Variants in PLCH2 observed in about 807,000 individuals in gnomAD.
PLCH2 encodes the protein 1-phosphatidylinositol 4,5-bisphosphate phosphodiesterase eta-2.
Under a neutral mutation model 134.7 loss-of-function variants are expected in PLCH2, and 98 were observed. That is an observed-to-expected ratio of 0.73 (90% CI 0.62 to 0.86). The LOEUF is 0.86. Among genes scored for constraint, PLCH2 ranks in the 40% least tolerant of loss-of-function variants. PLCH2 has a pLI of 0.00. For synonymous variants in PLCH2, 974 were observed against 827.5 expected (o/e 1.18, Z -3.04); for missense variants, 1,994 against 1,986.6 (o/e 1.00, Z -0.07).
chr1:2,503,910 A>ACCCCC lies in PLCH2; in HGVS notation c.2960-10_2960-9insCCCCC. The ACCCCC allele has an allele frequency of 3.7e-6, 1 of 266,700 alleles. No individual in the cohort carries two copies. Among genetic ancestry groups the ACCCCC allele is most frequent in the Non-Finnish European group, 6.5e-6 (1 of 153,078 alleles). The allele number at this position is 266,700 out of a possible 1,614,324, so 16.5% of individuals were successfully genotyped here. A position where few individuals can be genotyped will look rare whatever the true frequency, so the allele number is the denominator to read the frequency against. On this transcript the variant is annotated splice_polypyrimidine_tract_variant and intron_variant, in intron 21 of 21. Transcript: ENST00000378486. ...CCCTCTGGCTCTCTCTCACTCCCCC[A>ACCCCC]CCTCCCCACAGACACCCGCCCCCTC...
In PLCH2 at chr1:2,476,420, C is replaced by A; in HGVS notation, c.-169C>A. 1.6e-6 allele frequency: 1 copy of A among 636,098 alleles called. No homozygotes were observed. Among genetic ancestry groups the A allele is most frequent in the Non-Finnish European group, 2.5e-6 (1 of 393,042 alleles). The allele number at this position is 636,098 out of a possible 1,614,324, so 39.4% of individuals were successfully genotyped here. On this transcript the variant is annotated 5_prime_UTR_variant, in exon 1 of 22. Transcript: ENST00000378486. ...CAGGCCAATGCCAGCCGGGCCTGGG[C>A]ACAGCCCTGTGGGGGCTTCGGAGGG... is the stretch of plus-strand genomic sequence containing the variant.
chr1:2,495,118 T>C (rs146274143), intron 12 of PLCH2, among the ~76,000 whole-genome samples, 170 bp downstream of exon 12: 1 of 152,234 alleles, frequency 6.6e-6, no homozygotes, highest in Non-Finnish European at 1.5e-5. Context: ...TCCCCAGGGT[T>C]CCCAGCCTGG....
intron 10 of PLCH2, 50 bp downstream of exon 10, chr1:2,489,917 A>G: frequency 1.6e-6 from 2 of 1,288,760 alleles, no homozygotes. Context: ...GCAGTTCCCA[A>G]GAACAGCTGT....
chr1:2,497,544 ACCGAG>A lies in PLCH2; in HGVS notation c.2162_2166del (p.Arg721GlnfsTer124), dbSNP rs751896281. The A allele has an allele frequency of 5.8e-6, 9 of 1,562,186 alleles. No homozygotes were observed. The highest frequency in any genetic ancestry group is 1.7e-4 in the Middle Eastern group (1 of 6,012). On this transcript the variant is annotated frameshift_variant, in exon 16 of 22. Transcript: ENST00000378486. LOFTEE classifies it high-confidence loss of function. Reference sequence around the variant, plus strand: ...TCAGAGGGGCGGATGCTGCAGCTGAACCGAGCCAAGTTCAGCGCCAACGGTGGCTG... The same window carrying A: ...TCAGAGGGGCGGATGCTGCAGCTGAACCAAGTTCAGCGCCAACGGTGGCTG...
At chr1:2,484,714 G>C in intron 5 of PLCH2, 96 bp downstream of exon 5, 1 of 1,362,630 alleles carries the variant, frequency 7.3e-7, no homozygotes, top group East Asian at 2.4e-5. Context: ...GGTGATGGGG[G>C]AGCTGTCTGA....
At position 2,483,752 on chromosome 1, in the gene PLCH2, T is replaced by TTGACCCCCGTTTGGGGGGGCGC. The variant is rs70956306; in HGVS notation, c.646-663_646-642dup. On this transcript the variant is annotated intron_variant, in intron 4 of 21. Transcript: ENST00000378486. The stretch of plus-strand genomic sequence containing the variant: ...CCAGCCTCCAGCCCAGAGTGTGTTG[T>TTGACCCCCGTTTGGGGGGGCGC]TGACCCCCGTTTGGGGGGGCGCTGA... Among the ~76,000 whole-genome samples, 13 of 114,934 alleles carry TTGACCCCCGTTTGGGGGGGCGC rather than the reference T, an allele frequency of 1.1e-4. 3 individuals carry two copies. The highest frequency in any genetic ancestry group is 1.5e-4 in the African/African-American group (5 of 33,816). The allele number at this position is 114,934 out of a possible 152,430, so 75.4% of individuals were successfully genotyped here.
upstream of PLCH2, among the ~76,000 whole-genome samples, chr1:2,473,385 GC>G (rs1456105287): frequency 1.3e-5 from 2 of 152,200 alleles, no homozygotes; most frequent in African/African-American, 4.8e-5. Flanking sequence ...TCACCGTGGG[GC>G]CCGCAGAGCC....
chr1:2,429,300 A>G (rs1638954139), intron 1 of PLCH2, among the ~76,000 whole-genome samples: 1 of 152,134 alleles, frequency 6.6e-6, no homozygotes, highest in African/African-American at 2.4e-5. Flanking sequence ...AGGACTCCTG[A>G]TGTCCATCTG....
intron 8 of PLCH2, among the ~76,000 whole-genome samples, chr1:2,488,166 A>G (rs766377385): frequency 1.3e-5 from 2 of 152,236 alleles, no homozygotes; most frequent in Non-Finnish European, 2.9e-5. Flanking sequence ...GCAGGTGGGC[A>G]AGGAGCTAAT....
chr1:2,495,640 CG>C, intron 13 of PLCH2, 70 bp downstream of exon 13: 1 of 1,117,402 alleles, frequency 8.9e-7, no homozygotes, highest in Non-Finnish European at 1.3e-6. Context: ...CCCTTCTCTG[CG>C]GTGACCCCAC....
intron 5 of PLCH2, among the ~76,000 whole-genome samples, chr1:2,485,923 G>A (rs949839534): frequency 3.3e-5 from 5 of 152,128 alleles, no homozygotes; most frequent in African/African-American, 9.7e-5. Flanking sequence ...ACCTGGCCGG[G>A]GCAGCTTGCC....
At chr1:2,501,050 G>C (rs570756902) in intron 20 of PLCH2, 1 of 151,888 alleles carries the variant, frequency 6.6e-6, no homozygotes, top group African/African-American at 2.4e-5. Flanking sequence ...CCCTGAGGCC[G>C]GCGCTCCGAG....
intron 21 of PLCH2, chr1:2,503,095 C>T (rs1351349624): frequency 2.3e-5 from 16 of 696,088 alleles, no homozygotes; most frequent in Admixed American, 1.2e-4. Context: ...AGCCCCAGCC[C>T]TCCTGTCTGA....
upstream of PLCH2, among the ~76,000 whole-genome samples, chr1:2,465,267 G>A (rs1333664898): frequency 1.3e-5 from 2 of 152,184 alleles, no homozygotes; most frequent in African/African-American, 2.4e-5. Flanking sequence ...AGACTGTGGG[G>A]ACAGGGGCAG....
chr1:2,479,948 C>A lies in PLCH2; in HGVS notation c.486C>A (p.Ser162Arg), dbSNP rs768058584. The A allele has an allele frequency of 6.2e-7, 1 of 1,607,586 alleles. No individual in the cohort carries two copies. The highest frequency in any genetic ancestry group is 2.2e-5 in the East Asian group (1 of 44,730). Residue 162 changes from serine to arginine, a missense_variant, in exon 3 of 22, where the codon AGC becomes AGA. This residue lies in a region of PLCH2 where 1,094 missense variants were observed against 1,234.3 expected (regional missense o/e 0.89). Transcript: ENST00000378486. ...TGGCCGGCATCAGCGACGAGGACAG[C>A]CTGGCTCGCCGCCAGCGCACCAGGG... is the stretch of plus-strand genomic sequence containing the variant. The part of the protein sequence containing the change: ...YLMAGISDED[S>R]LARRQRTRDQ...
chr1:2,427,597 G>A (rs1442706794), intron 1 of PLCH2, among the ~76,000 whole-genome samples: 1 of 152,178 alleles, frequency 6.6e-6, no homozygotes, highest in African/African-American at 2.4e-5. Flanking sequence ...CCAGCCAAGG[G>A]TGTGGCACCC....
intron 2 of PLCH2, among the ~76,000 whole-genome samples, chr1:2,450,652 T>TACCCCCCGCTCCCC (rs1640163725): frequency 4.0e-5 from 1 of 24,914 alleles, no homozygotes; most frequent in African/African-American, 2.0e-4. Flanking sequence ...CCCCGCTCCC[T>TACCCCCCGCTCCCC]GTCTGCCCCC....
At chr1:2,469,700 G>A (rs1641235430) in intron 1 of PLCH2, among the ~76,000 whole-genome samples, 1 of 152,212 alleles carries the variant, frequency 6.6e-6, no homozygotes, top group Admixed American at 6.5e-5. Context: ...GTTTCTTCCC[G>A]GGATTTTGCT....
At chr1:2,453,660 A>G (rs977763090) in intron 2 of PLCH2, among the ~76,000 whole-genome samples, 3 of 152,164 alleles carry the variant, frequency 2.0e-5, no homozygotes, top group Admixed American at 6.5e-5. Context: ...CCTGTGGAGC[A>G]GAGCCCCATC....
Sources: allele counts gnomAD v4.1 joint callset (sites outside exome capture counted in the v4.1 genomes callset), GRCh38; gene constraint gnomAD v4.1.1; regional missense constraint gnomAD v4.1.1; transcripts MANE v1.5; gene names NCBI Gene and HGNC (gene_info 2026-07-23, HGNC 2026-07-21).